The following FHOD3 variants were observed in gnomAD, a reference collection of about 807,000 sequenced individuals.
FHOD3 encodes formin homology 2 domain containing 3, also known as FH1/FH2 domain-containing protein 3.
FHOD3 carries 90 observed loss-of-function variants against 173.0 expected under a neutral mutation model. The observed-to-expected ratio is 0.52, with a 90% CI of 0.44 to 0.62. The LOEUF (loss-of-function observed/expected upper bound fraction) is 0.62. FHOD3 is among the 20% of genes least tolerant of loss of function. The probability of loss-of-function intolerance (pLI) is 0.00; values close to 1 mark genes in which losing one functional copy is unlikely to be tolerated. For synonymous variants in FHOD3, 828 were observed against 823.0 expected (o/e 1.01, Z -0.10); for missense variants, 1,945 against 2,034.7 (o/e 0.96, Z 0.85).
intron 1 of FHOD3, among the ~76,000 whole-genome samples, chr18:36,327,714 G>A (rs1000552244): frequency 6.6e-6 from 1 of 152,192 alleles, no homozygotes; most frequent in Non-Finnish European, 1.5e-5. Context: ...TGGGATGGAG[G>A]GGTGGCATGA....
intron 1 of FHOD3, among the ~76,000 whole-genome samples, chr18:36,320,476 A>G (rs1383730059): frequency 6.6e-6 from 1 of 152,252 alleles, no homozygotes; most frequent in Non-Finnish European, 1.5e-5. Context: ...AGGCTCTGAA[A>G]TTGAGGCAAT....
chr18:36,417,700 G>T (rs1398851924), intron 3 of FHOD3, among the ~76,000 whole-genome samples: 1 of 152,104 alleles, frequency 6.6e-6, no homozygotes, highest in Non-Finnish European at 1.5e-5. Flanking sequence ...TGTTGATATT[G>T]CTCTTCCATA....
At chr18:36,606,658 G>T (rs538671425) in intron 8 of FHOD3, among the ~76,000 whole-genome samples, 1 of 152,096 alleles carries the variant, frequency 6.6e-6, no homozygotes, top group South Asian at 2.1e-4. Flanking sequence ...CCCAAATCCA[G>T]AGTCTCATCT....
chr18:36,753,235 C>G (rs373330707), intron 24 of FHOD3, among the ~76,000 whole-genome samples: 1 of 152,140 alleles, frequency 6.6e-6, no homozygotes, highest in Non-Finnish European at 1.5e-5. Flanking sequence ...CCTGCAGGCT[C>G]TCAGTTCCTT....
intron 17 of FHOD3, among the ~76,000 whole-genome samples, chr18:36,697,830 T>C (rs1038858155): frequency 6.6e-6 from 1 of 152,256 alleles, no homozygotes; most frequent in African/African-American, 2.4e-5. Flanking sequence ...TTTGTCTAAA[T>C]GATTTTTCCT....
At chr18:36,345,360 C>T (rs781465705) in intron 1 of FHOD3, among the ~76,000 whole-genome samples, 2 of 152,054 alleles carry the variant, frequency 1.3e-5, no homozygotes, top group Non-Finnish European at 2.9e-5. Flanking sequence ...TATTTTGAAT[C>T]GAACATAATG....
At chr18:36,558,227 A>C (rs921218938) in intron 5 of FHOD3, among the ~76,000 whole-genome samples, 2 of 151,968 alleles carry the variant, frequency 1.3e-5, no homozygotes, top group Non-Finnish European at 2.9e-5. Context: ...AGGTCTCCCA[A>C]CTTGGAGGTT....
chr18:36,611,004 C>G (rs1482629474), intron 8 of FHOD3, among the ~76,000 whole-genome samples: 1 of 152,194 alleles, frequency 6.6e-6, no homozygotes, highest in Non-Finnish European at 1.5e-5. Context: ...GAGCCAGGGC[C>G]TTGTCTCAGA....
intron 19 of FHOD3, among the ~76,000 whole-genome samples, chr18:36,727,833 G>A (rs1334929402): frequency 6.6e-6 from 1 of 152,248 alleles, no homozygotes; most frequent in African/African-American, 2.4e-5. Flanking sequence ...CCATGGGGCT[G>A]AATCTCAGGG....
chr18:36,689,844 A>G (rs936585590), intron 16 of FHOD3, among the ~76,000 whole-genome samples: 1 of 152,194 alleles, frequency 6.6e-6, no homozygotes, highest in Admixed American at 6.5e-5. Context: ...GAAATTGTGC[A>G]TGAAAATGAT....
intron 5 of FHOD3, among the ~76,000 whole-genome samples, chr18:36,552,502 C>CTTTTTTTT (rs200765398): frequency 7.0e-6 from 1 of 142,054 alleles, no homozygotes; most frequent in African/African-American, 2.6e-5. Flanking sequence ...TTTTCTTTTT[C>CTTTTTTTT]TTTTTTTTTT....
intron 1 of FHOD3, among the ~76,000 whole-genome samples, chr18:36,335,271 G>A (rs56315508): frequency 0.12 from 18,020 of 151,960 alleles, 1,458 homozygotes; most frequent in Non-Finnish European, 0.18. Flanking sequence ...CGAGGCGGGC[G>A]GATCACGAGG....
At chr18:36,302,620 A>G (rs1339270700) in intron 1 of FHOD3, among the ~76,000 whole-genome samples, 4 of 152,264 alleles carry the variant, frequency 2.6e-5, no homozygotes, top group Non-Finnish European at 5.9e-5. Flanking sequence ...CTAAGATAGA[A>G]TGTGCACTAA....
chr18:36,465,105 A>G (rs928165374), intron 3 of FHOD3, among the ~76,000 whole-genome samples: 6 of 152,186 alleles, frequency 3.9e-5, no homozygotes, highest in Non-Finnish European at 1.5e-5. Flanking sequence ...AGGAGGGCGG[A>G]TCACTTCAGG....
chr18:36,456,221 A>G (rs1215257657), intron 3 of FHOD3, among the ~76,000 whole-genome samples: 1 of 152,148 alleles, frequency 6.6e-6, no homozygotes, highest in Non-Finnish European at 1.5e-5. Context: ...TCCTTTAGCT[A>G]TGCATGATTT....
At chr18:36,522,685 A>G (rs190027108) in intron 5 of FHOD3, among the ~76,000 whole-genome samples, 2 of 152,186 alleles carry the variant, frequency 1.3e-5, no homozygotes, top group Non-Finnish European at 2.9e-5. Flanking sequence ...TAAATATTCA[A>G]CAAATAGTTG....
chr18:36,776,607 CA>C (rs1444033334), intron 28 of FHOD3, among the ~76,000 whole-genome samples: 1 of 152,160 alleles, frequency 6.6e-6, no homozygotes, highest in Non-Finnish European at 1.5e-5. Context: ...TGGAGGTCCA[CA>C]GAAAGTAGAA....
chr18:36,588,565 G>T (rs1304146406), intron 6 of FHOD3, among the ~76,000 whole-genome samples: 2 of 152,092 alleles, frequency 1.3e-5, no homozygotes, highest in African/African-American at 2.4e-5. Context: ...TTTGGAAATT[G>T]TTTTCTTTTT....
chr18:36,664,085 TA>T (rs1351156229), intron 14 of FHOD3, among the ~76,000 whole-genome samples: 1 of 151,532 alleles, frequency 6.6e-6, no homozygotes. Flanking sequence ...ACCCAATACT[TA>T]AAAAAAAATT....
Sources: gnomAD v4.1 joint callset for allele counts (sites outside exome capture counted in the v4.1 genomes callset) on GRCh38, gnomAD v4.1.1 for gene constraint, MANE v1.5 for transcripts, NCBI Gene and HGNC (gene_info 2026-07-23, HGNC 2026-07-21) for gene names.